DPYD: variants seen among roughly 807,000 people sequenced by gnomAD.
DPYD encodes the protein dihydropyrimidine dehydrogenase [NADP(+)].
A neutral mutation model predicts 116.2 loss-of-function variants in DPYD; 109 were observed. The observed-to-expected ratio is 0.94, with a 90% CI of 0.80 to 1.10. The LOEUF is 1.10. Ranked by LOEUF, DPYD falls within the 50% of genes least tolerant of loss-of-function variation. DPYD has a pLI of 0.00. For synonymous variants in DPYD, 440 were observed against 432.0 expected (o/e 1.02, Z -0.23); for missense variants, 1,302 against 1,254.5 (o/e 1.04, Z -0.57).
chr1:97,748,648 G>T (rs747116386), intron 3 of DPYD, among the ~76,000 whole-genome samples: 1 of 152,066 alleles, frequency 6.6e-6, no homozygotes, highest in Non-Finnish European at 1.5e-5. Flanking sequence ...TTCATCTTTG[G>T]TTCTCAGTGC....
intron 12 of DPYD, among the ~76,000 whole-genome samples, chr1:97,524,979 T>A (rs1206119131): frequency 6.6e-6 from 1 of 152,214 alleles, no homozygotes; most frequent in Non-Finnish European, 1.5e-5. Flanking sequence ...GGCAACTGTA[T>A]CCTTCCAATA....
intron 2 of DPYD, among the ~76,000 whole-genome samples, chr1:97,847,752 G>C (rs1044220314): frequency 6.6e-6 from 1 of 152,158 alleles, no homozygotes; most frequent in African/African-American, 2.4e-5. Context: ...ATACATTGTA[G>C]GGGTGGGCTG....
intron 6 of DPYD, among the ~76,000 whole-genome samples, chr1:97,696,056 G>A (rs563592851): frequency 3.3e-5 from 5 of 151,908 alleles, no homozygotes; most frequent in South Asian, 2.1e-4. Context: ...CTTGAATCCC[G>A]GAGGTGGAGG....
At chr1:97,376,458 C>T (rs1372033763) in intron 15 of DPYD, among the ~76,000 whole-genome samples, 1 of 152,154 alleles carries the variant, frequency 6.6e-6, no homozygotes, top group Admixed American at 6.5e-5. Flanking sequence ...ACACACCTGG[C>T]AAGGCCTTTG....
intron 12 of DPYD, among the ~76,000 whole-genome samples, chr1:97,530,214 C>CTTTTT (rs57740723): frequency 1.2e-4 from 13 of 112,702 alleles, no homozygotes; most frequent in East Asian, 2.6e-4. Flanking sequence ...CTTTTTTTTT[C>CTTTTT]TTTTTTTTTT....
intron 20 of DPYD, among the ~76,000 whole-genome samples, chr1:97,113,242 T>C (rs1374463858): frequency 6.6e-6 from 1 of 152,154 alleles, no homozygotes; most frequent in Non-Finnish European, 1.5e-5. Context: ...GATTTAAAGC[T>C]ACAGCGGGCT....
chr1:97,602,295 A>G (rs1352263848), intron 8 of DPYD, among the ~76,000 whole-genome samples: 1 of 152,012 alleles, frequency 6.6e-6, no homozygotes, highest in Non-Finnish European at 1.5e-5. Context: ...TCTATACTTC[A>G]TGTAGAAAAC....
chr1:97,823,859 A>G (rs976116988), intron 3 of DPYD, among the ~76,000 whole-genome samples: 18 of 124,732 alleles, frequency 1.4e-4, no homozygotes, highest in African/African-American at 5.1e-4. Flanking sequence ...GTGAGACTAC[A>G]AAGTCTTTTT....
At chr1:97,173,337 T>TACAC (rs1557911995) in intron 20 of DPYD, among the ~76,000 whole-genome samples, 5 of 144,954 alleles carry the variant, frequency 3.4e-5, no homozygotes, top group African/African-American at 1.3e-4. Flanking sequence ...CATATATGTG[T>TACAC]ATATATGCAC....
intron 12 of DPYD, chr1:97,546,084 A>G: frequency 7.1e-7 from 1 of 1,410,432 alleles, no homozygotes; most frequent in Non-Finnish European, 1.0e-6. Flanking sequence ...ATCCTTAGTT[A>G]CAGTGCTGGT....
At position 97,724,718 on chromosome 1, in the gene DPYD, C is replaced by G. The variant is rs148454402; in HGVS notation, c.322-3047G>C. 3.8e-4 allele frequency among the ~76,000 whole-genome samples: 57 copies of G among 151,698 alleles called. 1 individual carries two copies. The East Asian group carries it at 9.5e-3, about 25-fold the overall frequency. ...TTTAAATGCCAATCTAATTCAAAAA[C>G]ACTCTCACAGAAACATCCAAGATAA... On this transcript the variant is annotated intron_variant, in intron 4 of 22. Coordinates refer to ENST00000370192, the MANE Select transcript of DPYD (RefSeq NM_000110.4).
At chr1:97,474,480 A>G (rs1371918802) in intron 13 of DPYD, among the ~76,000 whole-genome samples, 2 of 151,964 alleles carry the variant, frequency 1.3e-5, no homozygotes, top group Non-Finnish European at 2.9e-5. Flanking sequence ...TCCTTTGAAA[A>G]GAGAGTTTAG....
intron 13 of DPYD, among the ~76,000 whole-genome samples, chr1:97,459,310 T>G (rs1312315306): frequency 6.6e-6 from 1 of 151,796 alleles, no homozygotes; most frequent in African/African-American, 2.4e-5. Flanking sequence ...CTTAACAAGG[T>G]AAAGGAAAAA....
chr1:97,383,220 T>TA (rs1392334349), intron 14 of DPYD, among the ~76,000 whole-genome samples: 2 of 152,104 alleles, frequency 1.3e-5, no homozygotes, highest in Non-Finnish European at 2.9e-5. Flanking sequence ...CTCACGCTTG[T>TA]AATCCCAATA....
chr1:97,564,130 G>A (rs189906176), intron 11 of DPYD, among the ~76,000 whole-genome samples: 8 of 152,144 alleles, frequency 5.3e-5, no homozygotes, highest in Non-Finnish European at 7.4e-5. Context: ...TTTCGCAATC[G>A]GTACACAGGA....
intron 18 of DPYD, among the ~76,000 whole-genome samples, chr1:97,258,870 T>C (rs544573767): frequency 6.6e-6 from 1 of 152,288 alleles, no homozygotes; most frequent in South Asian, 2.1e-4. Flanking sequence ...CACAAGGGCT[T>C]GGACTAAGTC....
At chr1:97,351,375 G>A (rs538419365) in intron 16 of DPYD, among the ~76,000 whole-genome samples, 123 of 152,018 alleles carry the variant, frequency 8.1e-4, no homozygotes, top group African/African-American at 2.8e-3. Context: ...ATGTTCCCAC[G>A]GCGTTTGCAA....
intron 18 of DPYD, among the ~76,000 whole-genome samples, chr1:97,238,420 C>A (rs1662099940): frequency 6.6e-6 from 1 of 152,080 alleles, no homozygotes; most frequent in Non-Finnish European, 1.5e-5. Context: ...AGAATGACTT[C>A]ATCCACTAAG....
chr1:97,314,490 C>CTAT, intron 16 of DPYD, among the ~76,000 whole-genome samples: 1 of 123,376 alleles, frequency 8.1e-6, no homozygotes, highest in East Asian at 2.4e-4. Context: ...CTAAAGCTTT[C>CTAT]TTTTTTTTTT....
Sources: allele counts gnomAD v4.1 joint callset (sites outside exome capture counted in the v4.1 genomes callset), GRCh38; gene constraint gnomAD v4.1.1; transcripts MANE v1.5; gene names NCBI Gene and HGNC (gene_info 2026-07-23, HGNC 2026-07-21).